The following ZNF610 variants were observed in gnomAD, a reference collection of about 807,000 sequenced individuals.
The protein encoded by ZNF610 is zinc finger protein 610, also known as zink finger protein.
In ZNF610, 14 loss-of-function variants were observed where a neutral mutation model predicts 14.1. The ratio of observed to expected loss-of-function variants is 0.99; its 90% CI spans 0.65 to 1.55. The LOEUF (loss-of-function observed/expected upper bound fraction) is 1.55, where lower values mean the gene tolerates loss of function less well. Ranked by LOEUF, ZNF610 falls within the 40% of genes most tolerant of loss-of-function variation. ZNF610 has a pLI of 0.00. For missense variants in ZNF610, 530 were observed against 558.0 expected, an observed-to-expected ratio of 0.95 and a Z score of 0.51; for synonymous variants, 185 against 187.6, an observed-to-expected ratio of 0.99 and a Z score of 0.11.
chr19:52,339,586 G>A (rs1005150011), intron 1 of ZNF610, among the ~76,000 whole-genome samples: 6 of 146,912 alleles, frequency 4.1e-5, no homozygotes, highest in Non-Finnish European at 8.8e-5. Context: ...GTGTTTCTGC[G>A]GGCACAGGGT....
intron 1 of ZNF610, among the ~76,000 whole-genome samples, chr19:52,343,427 C>G (rs762696147): frequency 2.0e-5 from 3 of 151,692 alleles, no homozygotes; most frequent in African/African-American, 7.3e-5. Context: ...AATTATCCGG[C>G]TTTGGTGGCA....
At chr19:52,340,480 C>T (rs1984634367) in intron 1 of ZNF610, among the ~76,000 whole-genome samples, 1 of 151,982 alleles carries the variant, frequency 6.6e-6, no homozygotes, top group African/African-American at 2.4e-5. Flanking sequence ...TTACCTCAAA[C>T]AGTAAAGGGA....
chr19:52,330,421 T>G, the ZNF610 span: 2 of 152,094 alleles, frequency 1.3e-5, no homozygotes, highest in African/African-American at 4.8e-5. Context: ...GGCCCTGAGA[T>G]AAAGGTTTGT....
chr19:52,335,503 T>TCTCTAGAGATGAGCA (rs1219494683), upstream of ZNF610, among the ~76,000 whole-genome samples: 36 of 152,094 alleles, frequency 2.4e-4, no homozygotes, highest in African/African-American at 8.7e-4. Flanking sequence ...CCTCGGAAAC[T>TCTCTAGAGATGAGCA]CTCTAGAGAT....
At chr19:52,361,063 A>G (rs1985747809) in intron 5 of ZNF610, among the ~76,000 whole-genome samples, 1 of 151,406 alleles carries the variant, frequency 6.6e-6, no homozygotes, top group African/African-American at 2.4e-5. Context: ...AACTAATTCA[A>G]TCTCCTTATT....
intron 5 of ZNF610, among the ~76,000 whole-genome samples, chr19:52,357,895 C>T (rs949933963): frequency 6.6e-6 from 1 of 152,070 alleles, no homozygotes; most frequent in Non-Finnish European, 1.5e-5. Flanking sequence ...AGCACAGGAG[C>T]TTCTGTGTCC....
chr19:52,332,518 C>T (rs550640987), upstream of ZNF610, among the ~76,000 whole-genome samples: 1 of 152,308 alleles, frequency 6.6e-6, no homozygotes, highest in South Asian at 2.1e-4. The surrounding 1 kb of genome is among the most constrained non-coding windows in gnomAD (Gnocchi z 4.1). Flanking sequence ...ATATGTTGCT[C>T]TACCCACAGC....
upstream of ZNF610, among the ~76,000 whole-genome samples, chr19:52,333,616 T>C (rs1984258036): frequency 6.6e-6 from 1 of 152,208 alleles, no homozygotes; most frequent in Non-Finnish European, 1.5e-5. Flanking sequence ...AAATTCAATT[T>C]AAGTAAAATA....
At chr19:52,354,182 T>C (rs1985405530) in intron 4 of ZNF610, 69 bp from the exon 5 acceptor site, 1 of 1,586,838 alleles carries the variant, frequency 6.3e-7, no homozygotes, top group African/African-American at 1.4e-5. Flanking sequence ...ATCCCCTCTC[T>C]TACCTAAACA....
Position 52,366,171 on chromosome 19 carries a change from T to C in ZNF610, c.793T>C (p.Cys265Arg). 1 of 1,613,654 alleles carries C rather than the reference T, an allele frequency of 6.2e-7. No homozygotes were observed. Among genetic ancestry groups the C allele is most frequent in the Non-Finnish European group, 8.5e-7 (1 of 1,179,670 alleles). ...ACAGAAGCCTTACAAATGTAGTGAA[T>C]GTGACAAGGTGTTTAATCGCAATTC... ...TGQKPYKCSECDKVFNRNSNL... is the reference protein window; with the variant it reads ...TGQKPYKCSERDKVFNRNSNL... The change falls in exon 6 of 6, where the codon TGT (cysteine) becomes CGT (arginine). Residue 265 changes from cysteine (C) to arginine (R), a missense_variant. Physicochemically the swap from Cys to Arg is radical, Grantham distance 180 (BLOSUM62 -3). Transcript: ENST00000403906.
chr19:52,340,566 C>A (rs1297356771), intron 1 of ZNF610, among the ~76,000 whole-genome samples: 1 of 152,138 alleles, frequency 6.6e-6, no homozygotes, highest in Admixed American at 6.5e-5. Context: ...CTGCTCCTGG[C>A]TGCTGCTGAT....
upstream of ZNF610, among the ~76,000 whole-genome samples, chr19:52,331,897 G>T (rs758263114): frequency 4.6e-5 from 7 of 152,206 alleles, no homozygotes; most frequent in Non-Finnish European, 1.5e-5. Flanking sequence ...CTAGGTCCAT[G>T]TGGGTTACAA....
At chr19:52,352,078 G>A (rs577164317) in intron 3 of ZNF610, among the ~76,000 whole-genome samples, 23 of 152,278 alleles carry the variant, frequency 1.5e-4, no homozygotes, top group African/African-American at 5.3e-4. Context: ...CCTGTGTCTT[G>A]CTGACATTAC....
intron 5 of ZNF610, among the ~76,000 whole-genome samples, chr19:52,357,469 C>G (rs1025031779): frequency 2.0e-4 from 30 of 151,900 alleles, no homozygotes; most frequent in African/African-American, 7.3e-4. Flanking sequence ...CATGGTGAAA[C>G]CCCGTCTTTA....
intron 1 of ZNF610, among the ~76,000 whole-genome samples, chr19:52,339,512 C>T (rs914530136): frequency 8.5e-5 from 13 of 152,220 alleles, no homozygotes; most frequent in Middle Eastern, 3.4e-3. Context: ...TGCCTGCAAG[C>T]GCTTTTTAAC....
chr19:52,366,149 G>A lies in ZNF610; in HGVS notation c.771G>A (p.Gln257=), dbSNP rs1191426292. Residue 257 remains glutamine (Q), a synonymous_variant, in exon 6 of 6, where the codon CAG becomes CAA. Transcript: ENST00000403906. Reference sequence around the variant, plus strand: ...AACATTGGAGAATTCATACTGGACAGAAGCCTTACAAATGTAGTGAATGTG... The same window carrying A: ...AACATTGGAGAATTCATACTGGACAAAAGCCTTACAAATGTAGTGAATGTG... ...LVEHWRIHTG[Q]KPYKCSECDK... is the part of the protein sequence containing the mutation. The A allele has an allele frequency of 1.2e-6, 2 of 1,613,636 alleles. No homozygotes were observed. Among genetic ancestry groups the A allele is most frequent in the South Asian group, 1.1e-5 (1 of 91,024 alleles).
At chr19:52,349,691 T>C (rs1220213922) in intron 3 of ZNF610, among the ~76,000 whole-genome samples, 4 of 151,540 alleles carry the variant, frequency 2.6e-5, no homozygotes, top group Non-Finnish European at 5.9e-5. Context: ...TGCCTCAGCC[T>C]CCTGAGTAGC....
intron 5 of ZNF610, among the ~76,000 whole-genome samples, chr19:52,355,592 G>C (rs1394649499): frequency 1.3e-5 from 2 of 152,232 alleles, no homozygotes; most frequent in African/African-American, 2.4e-5. Context: ...CACAGGCTAA[G>C]GGTTGGGTTC....
intron 5 of ZNF610, among the ~76,000 whole-genome samples, chr19:52,363,902 T>C (rs1448598828): frequency 6.6e-6 from 1 of 152,200 alleles, no homozygotes; most frequent in Non-Finnish European, 1.5e-5. Flanking sequence ...TTTTGTAACA[T>C]CTTGTAGATT....
Sources: gnomAD v4.1 joint callset for allele counts (sites outside exome capture counted in the v4.1 genomes callset) on GRCh38, gnomAD v4.1.1 for gene constraint, Gnocchi (gnomAD v3.1) non-coding constraint, MANE v1.5 for transcripts, NCBI Gene and HGNC (gene_info 2026-07-23, HGNC 2026-07-21) for gene names.